CAPN1: variants seen among roughly 807,000 people sequenced by gnomAD.
The protein encoded by CAPN1 is calpain-1 catalytic subunit.
In CAPN1, 77 loss-of-function variants were observed where a neutral mutation model predicts 105.2. That is an observed-to-expected ratio of 0.73 (90% CI 0.61 to 0.88). The LOEUF (loss-of-function observed/expected upper bound fraction) is 0.88. Ranked by LOEUF, CAPN1 falls within the 40% of genes least tolerant of loss-of-function variation. The pLI is 0.00. For synonymous variants in CAPN1, 355 were observed against 388.8 expected (o/e 0.91, Z 1.02); for missense variants, 833 against 976.6 (o/e 0.85, Z 1.96).
rs1040737929 is a variant in CAPN1 at position 65,211,683 on chromosome 11, C to G, written c.*397C>G. 3 of 243,828 alleles carry G rather than the reference C, an allele frequency of 1.2e-5. No homozygotes were observed. Among genetic ancestry groups the G allele is most frequent in the Non-Finnish European group, 2.5e-5 (3 of 121,040 alleles). The allele number at this position is 243,828 out of a possible 1,614,324, so 15.1% of individuals were successfully genotyped here. A position where few individuals can be genotyped will look rare whatever the true frequency, so the allele number is the denominator to read the frequency against. On this transcript the variant is annotated 3_prime_UTR_variant, in exon 22 of 22. Transcript: ENST00000279247. ...AGACTATAAACTATAACCACTAGCT[C>G]GACACAGTCTGCAGTCCAGGCGTGT...
rs1202518804 is a variant in CAPN1 at position 65,209,841 on chromosome 11, C to T, written c.1795-8C>T. 1.9e-6 allele frequency: 3 copies of T among 1,613,392 alleles called. No individual in the cohort carries two copies. The highest frequency in any genetic ancestry group is 1.3e-5 in the African/African-American group (1 of 74,930). ...AGTGATGGAATTTCCTTCTTAACGG[C>T]CACCCAGCGTGATGGCAATGGGAAG... On this transcript the variant is annotated splice_region_variant and splice_polypyrimidine_tract_variant and intron_variant, in intron 17 of 21. Transcript: ENST00000279247. This position sits in a 1 kb window ranked among gnomAD's most constrained non-coding sequence, Gnocchi z 4.1.
intron 10 of CAPN1, among the ~76,000 whole-genome samples, chr11:65,198,660 G>C (rs1378737722): frequency 6.6e-6 from 1 of 152,098 alleles, no homozygotes; most frequent in Non-Finnish European, 1.5e-5. Flanking sequence ...AGCATTCTCA[G>C]ACCTTTCATC....
Position 65,209,681 on chromosome 11 carries a change from G to A in CAPN1, c.1795-168G>A. On this transcript the variant is annotated intron_variant, in intron 17 of 21. Coordinates refer to ENST00000279247, the MANE Select transcript of CAPN1 (RefSeq NM_005186.4). This position sits in a 1 kb window ranked among gnomAD's most constrained non-coding sequence, Gnocchi z 4.1. ...CCACTCCACTGCAGCCCAGCTCAGA[G>A]AATAAGGCAAGCCCGGCTGTGGGCT... 1 of 712,196 alleles carries A rather than the reference G, an allele frequency of 1.4e-6. No homozygotes were observed. Among genetic ancestry groups the A allele is most frequent in the Non-Finnish European group, 2.4e-6 (1 of 416,028 alleles). The allele number at this position is 712,196 out of a possible 1,614,324, so 44.1% of individuals were successfully genotyped here.
At position 65,182,808 on chromosome 11, in the gene CAPN1, A is replaced by G. The variant is rs1334933499; in HGVS notation, c.107A>G (p.Lys36Arg). The part of the protein sequence containing the change: ...LGLGRHENAI[K>R]YLGQDYEQLR... Reference sequence around the variant, plus strand: ...CTGGGCCGCCATGAGAATGCCATCAAGTACCTGGGCCAGGATTATGAGCAG... The same window carrying G: ...CTGGGCCGCCATGAGAATGCCATCAGGTACCTGGGCCAGGATTATGAGCAG... The change falls in exon 2 of 22, where the codon AAG becomes AGG. Residue 36 changes from lysine to arginine, a missense_variant. Transcript: ENST00000279247. 4.4e-6 allele frequency: 7 copies of G among 1,589,918 alleles called. No individual in the cohort carries two copies. The Admixed American group carries it at 1.3e-4, about 28-fold the overall frequency.
upstream of CAPN1, chr11:65,181,801 G>A (rs911991198): frequency 1.4e-5 from 3 of 220,638 alleles, no homozygotes; most frequent in African/African-American, 7.2e-5. This position sits in a 1 kb window ranked among gnomAD's most constrained non-coding sequence, Gnocchi z 4.6. Flanking sequence ...GAGATAGTCA[G>A]AGACCGTGCC....
At chr11:65,204,631 A>T (rs959025362) in intron 10 of CAPN1, 52 bp from the exon 11 acceptor site, 2 of 1,559,802 alleles carry the variant, frequency 1.3e-6, no homozygotes, top group South Asian at 1.1e-5. Context: ...TTGGGGGCCA[A>T]TTGGCTCTGC....
At position 65,188,609 on chromosome 11, in the gene CAPN1, G is replaced by A. The variant is rs760940271; in HGVS notation, c.1028G>A (p.Arg343Gln). 29 of 1,613,792 alleles carry A rather than the reference G, an allele frequency of 1.8e-5. No homozygotes were observed. Among genetic ancestry groups the A allele is most frequent in the East Asian group, 2.2e-5 (1 of 44,888 alleles). The stretch of plus-strand genomic sequence containing the variant: ...AGGATGTCATTCCGAGACTTCATGC[G>A]GGAGTTCACCCGCCTGGAGATCTGC... ...EFWMSFRDFMREFTRLEICNL... is the reference protein window; with the variant it reads ...EFWMSFRDFMQEFTRLEICNL... Residue 343 changes from arginine to glutamine, a missense_variant, in exon 10 of 22, where the codon CGG becomes CAG. Physicochemically the swap from Arg to Gln is conservative, Grantham distance 43. Coordinates refer to ENST00000279247, the MANE Select transcript of CAPN1 (RefSeq NM_005186.4). The surrounding 1 kb of genome is among the most constrained non-coding windows in gnomAD (Gnocchi z 5.5).
intron 6 of CAPN1, 45 bp from the exon 7 acceptor site, chr11:65,187,170 C>A: frequency 7.1e-7 from 1 of 1,417,344 alleles, no homozygotes; most frequent in Non-Finnish European, 9.9e-7. Flanking sequence ...TCTGATAGGG[C>A]GGGGGGACCT....
intron 4 of CAPN1, 48 bp downstream of exon 4, chr11:65,183,640 C>G (rs748988442): frequency 2.1e-5 from 28 of 1,316,176 alleles, no homozygotes; most frequent in Non-Finnish European, 2.8e-5. Flanking sequence ...GGGGGAGATG[C>G]GGAAGGATGA....
intron 4 of CAPN1, 167 bp downstream of exon 4, chr11:65,183,759 C>T: frequency 1.7e-6 from 1 of 589,782 alleles, no homozygotes; most frequent in Non-Finnish European, 3.0e-6. Flanking sequence ...AGTGACTGGG[C>T]TGGGCAGGTA....
intron 10 of CAPN1, among the ~76,000 whole-genome samples, chr11:65,195,100 G>GTTTTT (rs60778423): frequency 2.2e-5 from 2 of 90,904 alleles, no homozygotes; most frequent in Admixed American, 1.4e-4. Context: ...GTTTTTTGGG[G>GTTTTT]TTTTTTTTTT....
At chr11:65,205,362 G>C (rs533444366) in intron 11 of CAPN1, among the ~76,000 whole-genome samples, 8 of 152,144 alleles carry the variant, frequency 5.3e-5, no homozygotes, top group African/African-American at 1.9e-4. Context: ...CTCCCTGGTC[G>C]CAGTCTTGGC....
intron 10 of CAPN1, among the ~76,000 whole-genome samples, chr11:65,189,616 C>T (rs1948691393): frequency 6.6e-6 from 1 of 152,288 alleles, no homozygotes. Flanking sequence ...TCTCTCCTTA[C>T]CTAGGTTAGA....
chr11:65,187,193 CA>C (rs1948646470), intron 6 of CAPN1, 21 bp from the exon 7 acceptor site: 3 of 1,597,470 alleles, frequency 1.9e-6, no homozygotes, highest in Non-Finnish European at 2.6e-6. Flanking sequence ...CCACTGACCA[CA>C]GTGTGTGCCT....
intron 10 of CAPN1, among the ~76,000 whole-genome samples, chr11:65,192,265 G>A (rs2137338855): frequency 6.6e-6 from 1 of 152,244 alleles, no homozygotes; most frequent in Admixed American, 6.5e-5. Context: ...TGCATTTGTT[G>A]CTTTTCTAAC....
rs572740640 is a variant in CAPN1 at position 65,209,748 on chromosome 11, A to G, written c.1795-101A>G. The G allele has an allele frequency of 1.8e-5, 21 of 1,175,314 alleles. No individual in the cohort carries two copies. In the East Asian group the frequency reaches 4.3e-4, roughly 24 times the overall value. The allele number at this position is 1,175,314 out of a possible 1,614,324, so 72.8% of individuals were successfully genotyped here. A position where few individuals can be genotyped will look rare whatever the true frequency, so the allele number is the denominator to read the frequency against. ...TGCTGCTTCTCCTCACCCAGCCCCA[A>G]GTCGACTTGCCGGCTCGGCGGCCAT... On this transcript the variant is annotated intron_variant, in intron 17 of 21. Coordinates refer to ENST00000279247, the MANE Select transcript of CAPN1 (RefSeq NM_005186.4). This position sits in a 1 kb window ranked among gnomAD's most constrained non-coding sequence, Gnocchi z 4.1.
chr11:65,197,469 GTTT>G (rs113938763), intron 10 of CAPN1, among the ~76,000 whole-genome samples: 2 of 150,828 alleles, frequency 1.3e-5, no homozygotes, highest in South Asian at 2.1e-4. Context: ...CTAATTCAGG[GTTT>G]TTTTTTGTTG....
Position 65,210,669 on chromosome 11 carries a change from G to T in CAPN1, c.2060-145G>T. ...GTGGCTTCTCAGGCAGCAGGAAGGG[G>T]TGAAGCTTCCCAGCTTCAAGGGGTG... On this transcript the variant is annotated intron_variant, in intron 20 of 21. Coordinates refer to ENST00000279247, the MANE Select transcript of CAPN1 (RefSeq NM_005186.4). The surrounding 1 kb of genome is among the most constrained non-coding windows in gnomAD (Gnocchi z 4.3). 1.3e-6 allele frequency: 1 copy of T among 756,110 alleles called. No individual in the cohort carries two copies. Among genetic ancestry groups the T allele is most frequent in the Middle Eastern group, 2.7e-4 (1 of 3,708 alleles). The allele number at this position is 756,110 out of a possible 1,614,324, so 46.8% of individuals were successfully genotyped here.
upstream of CAPN1, chr11:65,181,507 G>T: frequency 3.3e-6 from 1 of 305,504 alleles, no homozygotes; most frequent in South Asian, 2.3e-5. This position sits in a 1 kb window ranked among gnomAD's most constrained non-coding sequence, Gnocchi z 4.6. Flanking sequence ...GCCCGGGGCT[G>T]CGGGAGGCGG....
Sources: gnomAD v4.1 joint callset for allele counts (sites outside exome capture counted in the v4.1 genomes callset) on GRCh38, gnomAD v4.1.1 for gene constraint, Gnocchi (gnomAD v3.1) non-coding constraint, MANE v1.5 for transcripts, NCBI Gene and HGNC (gene_info 2026-07-23, HGNC 2026-07-21) for gene names.